METTL14: variants seen among roughly 807,000 people sequenced by gnomAD.
METTL14 encodes the protein N(6)-adenosine-methyltransferase non-catalytic subunit METTL14.
METTL14 carries 32 observed loss-of-function variants against 62.4 expected under a neutral mutation model. The observed-to-expected ratio is 0.51, with a 90% CI of 0.39 to 0.69. METTL14 has a LOEUF of 0.69. Ranked by LOEUF, METTL14 falls within the 30% of genes least tolerant of loss-of-function variation. The pLI, the probability that METTL14 is intolerant of heterozygous loss-of-function variation, is 0.00. For synonymous variants in METTL14, 150 were observed against 180.0 expected (o/e 0.83, Z 1.34); for missense variants, 340 against 551.9 (o/e 0.62, Z 3.85).
chr4:118,708,571 T>C (rs998979607), intron 10 of METTL14, among the ~76,000 whole-genome samples: 5 of 152,280 alleles, frequency 3.3e-5, no homozygotes, highest in Middle Eastern at 3.4e-3. Context: ...AATCTTACTG[T>C]ATTCATGCAC....
At chr4:118,695,996 G>A (rs143311016) in intron 6 of METTL14, among the ~76,000 whole-genome samples, 5,997 of 151,396 alleles carry the variant, frequency 0.04, 171 homozygotes, top group Non-Finnish European at 0.062. Flanking sequence ...TGTAGTCCCA[G>A]CTATTCGGGA....
chr4:118,687,989 G>A lies in METTL14; in HGVS notation c.133G>A (p.Ala45Thr), dbSNP rs1162753457. Residue 45 changes from alanine (A) to threonine (T), a missense_variant, in exon 2 of 11, where the codon GCT (alanine) becomes ACT (threonine). This residue lies in a region of METTL14 where 111 missense variants were observed against 116.6 expected (regional missense o/e 0.95). Transcript: ENST00000388822. Reference sequence around the variant, plus strand: ...TAGCAAAGATGAGCAGAGAGAAATTGCTGAAACAAGAGAAACTTGCAGGTC... The same window carrying A: ...TAGCAAAGATGAGCAGAGAGAAATTACTGAAACAAGAGAAACTTGCAGGTC... Reference protein sequence around the residue: ...LNSKDEQREIAETRETCRASY... With the variant: ...LNSKDEQREITETRETCRASY... 1 of 1,612,146 alleles carries A rather than the reference G, an allele frequency of 6.2e-7. No individual in the cohort carries two copies. The highest frequency in any genetic ancestry group is 8.5e-7 in the Non-Finnish European group (1 of 1,178,900).
intron 10 of METTL14, among the ~76,000 whole-genome samples, chr4:118,706,355 T>C (rs1163744118): frequency 2.0e-5 from 3 of 152,244 alleles, no homozygotes; most frequent in Non-Finnish European, 2.9e-5. Flanking sequence ...GTATGTAGCC[T>C]TTTTAGATTG....
Position 118,685,403 on chromosome 4 carries a change from G to A in METTL14, c.-132G>A, listed in dbSNP as rs1724010263. On this transcript the variant is annotated 5_prime_UTR_variant, in exon 1 of 11. Coordinates refer to ENST00000388822, the MANE Select transcript of METTL14 (RefSeq NM_020961.4). ...TCCGGCCGCGCCGGAAGTCTCTACT[G>A]AGGAAAGCTATGAGGATACTCTGTT... The A allele has an allele frequency of 3.3e-6, 3 of 914,530 alleles. No individual in the cohort carries two copies. The highest frequency in any genetic ancestry group is 5.3e-6 in the Non-Finnish European group (3 of 568,434). 56.7% of individuals were successfully genotyped at this position (914,530 alleles called of 1,614,324 possible). A position where few individuals can be genotyped will look rare whatever the true frequency, so the allele number is the denominator to read the frequency against.
chr4:118,701,189 T>TTG lies in METTL14; in HGVS notation c.738+548_738+549insGT, dbSNP rs1409995839. ...TTTATTGGAGTTTTTTTTTGTTTTT[T>TTG]TTTGTTTTTTTGAGACAAGGTACCA... On this transcript the variant is annotated intron_variant, in intron 8 of 10. Transcript: ENST00000388822. Among the ~76,000 whole-genome samples, 6 of 150,178 alleles carry TTG rather than the reference T, an allele frequency of 4.0e-5. 1 individual carries two copies. Among genetic ancestry groups the TTG allele is most frequent in the Admixed American group, 1.3e-4 (2 of 15,144 alleles).
At chr4:118,693,957 T>C (rs1348494130) in intron 5 of METTL14, among the ~76,000 whole-genome samples, 2 of 152,140 alleles carry the variant, frequency 1.3e-5, no homozygotes, top group East Asian at 1.9e-4. Flanking sequence ...TATGTTGTTA[T>C]AAATGTGCTT....
At chr4:118,694,730 A>T (rs1278293856) in intron 6 of METTL14, among the ~76,000 whole-genome samples, 1 of 152,130 alleles carries the variant, frequency 6.6e-6, no homozygotes, top group Non-Finnish European at 1.5e-5. Context: ...CCTGGGCTCA[A>T]GCAATCCTCC....
At chr4:118,692,452 C>G (rs759274740) in intron 5 of METTL14, among the ~76,000 whole-genome samples, 1 of 151,776 alleles carries the variant, frequency 6.6e-6, no homozygotes, top group Non-Finnish European at 1.5e-5. Flanking sequence ...TGGTCTGGAA[C>G]TCCCGAGGTT....
intron 7 of METTL14, among the ~76,000 whole-genome samples, chr4:118,699,318 A>G (rs77894972): frequency 1.3e-5 from 2 of 152,198 alleles, no homozygotes; most frequent in African/African-American, 4.8e-5. Context: ...TATGGCTCCT[A>G]TAATGTAAAA....
At chr4:118,703,746 C>T (rs149448279) in intron 8 of METTL14, among the ~76,000 whole-genome samples, 189 bp from the exon 9 acceptor site, 2 of 152,050 alleles carry the variant, frequency 1.3e-5, no homozygotes, top group African/African-American at 4.8e-5. Context: ...ATATGCATTC[C>T]GTATTATGGC....
chr4:118,692,730 A>G (rs1724291339), intron 5 of METTL14, among the ~76,000 whole-genome samples: 1 of 152,018 alleles, frequency 6.6e-6, no homozygotes, highest in Admixed American at 6.6e-5. Context: ...TAATGTATCC[A>G]CAGAATTGTG....
chr4:118,703,041 A>G (rs1386597010), intron 8 of METTL14, among the ~76,000 whole-genome samples: 1 of 151,200 alleles, frequency 6.6e-6, no homozygotes, highest in Non-Finnish European at 1.5e-5. Flanking sequence ...TACATGTGCC[A>G]TGGTGGTTTG....
At chr4:118,690,712 A>G (rs1299219686) in intron 3 of METTL14, among the ~76,000 whole-genome samples, 1 of 151,914 alleles carries the variant, frequency 6.6e-6, no homozygotes, top group South Asian at 2.1e-4. Context: ...ACTTTGGGTA[A>G]TTGATTGGAT....
At chr4:118,688,109 C>A in intron 2 of METTL14, 98 bp downstream of exon 2, 2 of 954,372 alleles carry the variant, frequency 2.1e-6, no homozygotes, top group Non-Finnish European at 3.2e-6. Context: ...GATTATGGCT[C>A]ACTGCAGCCT....
chr4:118,692,812 GT>G (rs1215817597), intron 5 of METTL14, among the ~76,000 whole-genome samples: 3 of 151,940 alleles, frequency 2.0e-5, no homozygotes, highest in Non-Finnish European at 2.9e-5. Flanking sequence ...TTAGCAGTCA[GT>G]CCCCATTTCC....
intron 8 of METTL14, among the ~76,000 whole-genome samples, chr4:118,701,919 A>G (rs1724602903): frequency 6.6e-6 from 1 of 152,164 alleles, no homozygotes; most frequent in African/African-American, 2.4e-5. Context: ...ATTAACTCCA[A>G]GGTAAACTAT....
chr4:118,702,848 T>C (rs767768683), intron 8 of METTL14, among the ~76,000 whole-genome samples: 1 of 150,950 alleles, frequency 6.6e-6, no homozygotes, highest in African/African-American at 2.4e-5. Context: ...CTGAAAAGTG[T>C]ATGTTTTATA....
intron 10 of METTL14, among the ~76,000 whole-genome samples, 153 bp from the exon 11 acceptor site, chr4:118,709,845 A>G (rs1190983975): frequency 6.6e-6 from 1 of 152,222 alleles, no homozygotes; most frequent in Non-Finnish European, 1.5e-5. Flanking sequence ...TTAAAACATG[A>G]CCACAATTAA....
chr4:118,696,140 A>AAAAAAAAAAAG (rs1724405327), intron 6 of METTL14, among the ~76,000 whole-genome samples: 1 of 150,474 alleles, frequency 6.6e-6, no homozygotes, highest in Non-Finnish European at 1.5e-5. Context: ...AAAAAAAAAA[A>AAAAAAAAAAAG]AAAAATTGTA....
Sources: allele counts gnomAD v4.1 joint callset (sites outside exome capture counted in the v4.1 genomes callset), GRCh38; gene constraint gnomAD v4.1.1; regional missense constraint gnomAD v4.1.1; transcripts MANE v1.5; gene names NCBI Gene and HGNC (gene_info 2026-07-23, HGNC 2026-07-21).